CHRM3: variants seen among roughly 807,000 people sequenced by gnomAD.
CHRM3 encodes the protein muscarinic acetylcholine receptor M3.
CHRM3 carries 11 observed loss-of-function variants against 41.8 expected under a neutral mutation model. The observed-to-expected ratio is 0.26, with a 90% CI of 0.17 to 0.44. The LOEUF (loss-of-function observed/expected upper bound fraction) is 0.44, where lower values mean the gene tolerates loss of function less well. Ranked by LOEUF, CHRM3 falls within the 20% of genes least tolerant of loss-of-function variation. The pLI, the probability that CHRM3 is intolerant of heterozygous loss-of-function variation, is 1.00. For missense variants in CHRM3, 571 were observed against 745.4 expected (o/e 0.77, Z 2.72); for synonymous variants, 297 against 301.4 (o/e 0.99, Z 0.15).
At chr1:239,530,142 A>T (rs1195182086) in intron 2 of CHRM3, among the ~76,000 whole-genome samples, 3 of 152,086 alleles carry the variant, frequency 2.0e-5, no homozygotes, top group Non-Finnish European at 4.4e-5. Context: ...TGACCTTGTG[A>T]TCTGCCCGCC....
chr1:239,539,989 GC>G (rs1332855252), intron 2 of CHRM3, among the ~76,000 whole-genome samples: 1 of 152,110 alleles, frequency 6.6e-6, no homozygotes, highest in African/African-American at 2.4e-5. Flanking sequence ...TTGTGTTACA[GC>G]CGCCCACAGT....
chr1:239,810,207 G>A (rs1022347292), intron 5 of CHRM3, among the ~76,000 whole-genome samples: 3 of 152,128 alleles, frequency 2.0e-5, no homozygotes, highest in Admixed American at 1.3e-4. Context: ...GTGATGAAAT[G>A]CCAGCTGTGA....
At chr1:239,859,419 G>T (rs10925996) in intron 6 of CHRM3, among the ~76,000 whole-genome samples, 5,444 of 97,334 alleles carry the variant, frequency 0.056, 137 homozygotes, top group East Asian at 0.084. Flanking sequence ...TGTTGTTGTT[G>T]TTTTTTTTTT....
At chr1:239,788,602 C>A (rs767627310) in intron 5 of CHRM3, among the ~76,000 whole-genome samples, 9 of 152,018 alleles carry the variant, frequency 5.9e-5, no homozygotes, top group Non-Finnish European at 1.2e-4. Flanking sequence ...CCCATCTCTA[C>A]TAAAAATGCA....
At chr1:239,691,908 G>A (rs1022592424) in intron 5 of CHRM3, among the ~76,000 whole-genome samples, 2 of 152,182 alleles carry the variant, frequency 1.3e-5, no homozygotes, top group Admixed American at 6.5e-5. Flanking sequence ...GTGAAGTCAT[G>A]AAATCAAAGA....
intron 5 of CHRM3, chr1:239,704,066 T>A (rs540065321): frequency 2.6e-5 from 4 of 152,346 alleles, no homozygotes; most frequent in Admixed American, 2.6e-4. Context: ...AGCGGCTTTA[T>A]CCAGCTTGGT....
chr1:239,400,907 T>C (rs1012158680), intron 1 of CHRM3, among the ~76,000 whole-genome samples: 4 of 152,176 alleles, frequency 2.6e-5, no homozygotes, highest in Non-Finnish European at 5.9e-5. Flanking sequence ...AACTGAAACA[T>C]ACTGAGGACT....
intron 3 of CHRM3, among the ~76,000 whole-genome samples, chr1:239,613,023 C>A (rs998986188): frequency 1.8e-4 from 27 of 152,208 alleles, no homozygotes. Context: ...TAAACCCTGA[C>A]TGTGTATGCT....
At chr1:239,471,340 A>T (rs556931918) in intron 1 of CHRM3, among the ~76,000 whole-genome samples, 1 of 152,348 alleles carries the variant, frequency 6.6e-6, no homozygotes, top group Non-Finnish European at 1.5e-5. Flanking sequence ...TACAAGCTGC[A>T]ATTGACAGAG....
chr1:239,499,204 G>A (rs139604161), intron 2 of CHRM3, among the ~76,000 whole-genome samples: 188 of 152,210 alleles, frequency 1.2e-3, no homozygotes, highest in African/African-American at 4.3e-3. Context: ...TTGGCTTCTG[G>A]ATTTAGGAGA....
At chr1:239,446,030 C>G (rs188864623) in intron 1 of CHRM3, among the ~76,000 whole-genome samples, 2 of 152,092 alleles carry the variant, frequency 1.3e-5, no homozygotes, top group Admixed American at 6.5e-5. Context: ...CTCTGCCTCC[C>G]GGGTTCAAGC....
At chr1:239,595,927 A>G (rs1041057140) in intron 3 of CHRM3, among the ~76,000 whole-genome samples, 3 of 152,150 alleles carry the variant, frequency 2.0e-5, no homozygotes, top group African/African-American at 7.2e-5. Context: ...TATTTTTAGA[A>G]GACAGAACCT....
intron 1 of CHRM3, among the ~76,000 whole-genome samples, chr1:239,468,505 C>T (rs1002027793): frequency 1.3e-5 from 2 of 152,024 alleles, no homozygotes; most frequent in Non-Finnish European, 2.9e-5. Context: ...TGATGGTTGC[C>T]AATCCTATAT....
At chr1:239,498,083 GA>G (rs1343042991) in intron 2 of CHRM3, among the ~76,000 whole-genome samples, 1 of 152,104 alleles carries the variant, frequency 6.6e-6, no homozygotes, top group Non-Finnish European at 1.5e-5. Context: ...GCTGCAAATG[GA>G]GCCACACTGA....
In CHRM3 at chr1:239,618,680, T is replaced by A. The variant is rs1166174672; in HGVS notation, c.-312-13544T>A. ...TAACACGGTGAAACCCCGTCTCTAC[T>A]AAAAATACAAAAAATTAGCTGGGCG... On this transcript the variant is annotated intron_variant, in intron 3 of 6. Transcript: ENST00000676153. Among the ~76,000 whole-genome samples the A allele has an allele frequency of 1.1e-4, 16 of 150,732 alleles. No homozygotes were observed. In the East Asian group the frequency reaches 2.9e-3, roughly 27 times the overall value.
At chr1:239,549,863 T>A (rs780761082) in intron 3 of CHRM3, among the ~76,000 whole-genome samples, 41 of 151,696 alleles carry the variant, frequency 2.7e-4, no homozygotes, top group Admixed American at 9.2e-4. Context: ...ATAGATGAAA[T>A]CTTTACTACA....
chr1:239,404,309 GAAGA>G (rs1660260594), intron 1 of CHRM3, among the ~76,000 whole-genome samples: 1 of 139,622 alleles, frequency 7.2e-6, no homozygotes, highest in Non-Finnish European at 1.5e-5. Context: ...AAAGGAGAGA[GAAGA>G]AAGAAAGGAA....
intron 5 of CHRM3, among the ~76,000 whole-genome samples, chr1:239,792,686 T>G (rs1268608999): frequency 6.6e-6 from 1 of 152,224 alleles, no homozygotes; most frequent in Non-Finnish European, 1.5e-5. Flanking sequence ...ACCTTAGGAC[T>G]TGAATGAATT....
chr1:239,850,316 T>C (rs987578063), intron 6 of CHRM3, among the ~76,000 whole-genome samples: 1 of 152,148 alleles, frequency 6.6e-6, no homozygotes, highest in Non-Finnish European at 1.5e-5. Flanking sequence ...TCCTCATTGT[T>C]TTCACACTGA....
Sources: allele counts gnomAD v4.1 joint callset (sites outside exome capture counted in the v4.1 genomes callset), GRCh38; gene constraint gnomAD v4.1.1; transcripts MANE v1.5; gene names NCBI Gene and HGNC (gene_info 2026-07-23, HGNC 2026-07-21).